KIAA1217: variants seen among roughly 807,000 people sequenced by gnomAD.
KIAA1217 encodes the protein KIAA1217, also known as sickle tail protein homolog.
A neutral mutation model predicts 163.9 loss-of-function variants in KIAA1217; 88 were observed. That is an observed-to-expected ratio of 0.54 (90% CI 0.45 to 0.64). KIAA1217 has a LOEUF of 0.64. Among genes scored for constraint, KIAA1217 ranks in the 30% least tolerant of loss-of-function variants. The pLI is 0.00. For synonymous variants in KIAA1217, 903 were observed against 923.1 expected (o/e 0.98, Z 0.39); for missense variants, 2,372 against 2,475.0 (o/e 0.96, Z 0.88).
intron 2 of KIAA1217, among the ~76,000 whole-genome samples, chr10:24,270,665 T>C (rs1246030235): frequency 1.3e-5 from 2 of 152,120 alleles, no homozygotes; most frequent in African/African-American, 2.4e-5. Context: ...CTCAGCCGCC[T>C]AAGTAACTGA....
chr10:23,957,208 T>C (rs1283133535), intron 1 of KIAA1217, among the ~76,000 whole-genome samples: 1 of 152,116 alleles, frequency 6.6e-6, no homozygotes, highest in Non-Finnish European at 1.5e-5. Context: ...GTGCTGGCCC[T>C]CGTGTGCCTG....
intron 10 of KIAA1217, among the ~76,000 whole-genome samples, chr10:24,517,361 T>G (rs1048057140): frequency 6.6e-6 from 1 of 152,112 alleles, no homozygotes; most frequent in East Asian, 1.9e-4. Flanking sequence ...GTTTCTAGCA[T>G]GAAGAAAAGA....
At chr10:23,856,951 C>G (rs900480475) in intron 1 of KIAA1217, among the ~76,000 whole-genome samples, 1 of 152,356 alleles carries the variant, frequency 6.6e-6, no homozygotes, top group Admixed American at 6.5e-5. Context: ...CTCCCTGACC[C>G]CTTGCGCTTC....
At chr10:24,212,796 C>T (rs1038492527) in intron 1 of KIAA1217, among the ~76,000 whole-genome samples, 6 of 152,164 alleles carry the variant, frequency 3.9e-5, no homozygotes, top group Non-Finnish European at 8.8e-5. Flanking sequence ...CAGCAAGGAC[C>T]ATGTTTTATT....
chr10:24,372,241 C>G (rs2134529306), intron 2 of KIAA1217, among the ~76,000 whole-genome samples: 1 of 152,258 alleles, frequency 6.6e-6, no homozygotes, highest in South Asian at 2.1e-4. Flanking sequence ...AGTCTCAACT[C>G]CATCTCCTTG....
chr10:24,187,682 G>A (rs1042405122), intron 2 of KIAA1217, among the ~76,000 whole-genome samples: 13 of 152,118 alleles, frequency 8.5e-5, no homozygotes, highest in African/African-American at 2.7e-4. Flanking sequence ...CCTGAGGGCA[G>A]GAGTTCGAGA....
chr10:24,245,883 C>A (rs529546258), intron 2 of KIAA1217, among the ~76,000 whole-genome samples: 1 of 152,046 alleles, frequency 6.6e-6, no homozygotes, highest in Admixed American at 6.6e-5. Context: ...AACAATCCTC[C>A]CACTTTAGTC....
intron 5 of KIAA1217, among the ~76,000 whole-genome samples, chr10:24,448,402 T>G (rs1019791821): frequency 2.6e-5 from 4 of 152,164 alleles, no homozygotes; most frequent in Non-Finnish European, 5.9e-5. Flanking sequence ...TTTATTTTAT[T>G]TTGAAGGCAG....
intron 5 of KIAA1217, among the ~76,000 whole-genome samples, chr10:24,471,648 C>T (rs950910052): frequency 2.6e-5 from 4 of 151,838 alleles, no homozygotes; most frequent in South Asian, 2.1e-4. Context: ...TGTGGGAGGC[C>T]GAGGCAGGCA....
intron 14 of KIAA1217, among the ~76,000 whole-genome samples, chr10:24,529,624 G>C (rs570563987): frequency 6.6e-6 from 1 of 151,832 alleles, no homozygotes; most frequent in African/African-American, 2.4e-5. Flanking sequence ...TCCACTCACT[G>C]CATCCCTCCC....
intron 2 of KIAA1217, among the ~76,000 whole-genome samples, chr10:24,301,652 A>G (rs1326229996): frequency 1.3e-5 from 2 of 152,216 alleles, no homozygotes; most frequent in Admixed American, 6.5e-5. Flanking sequence ...CTGGATTCCA[A>G]GAAGGACTTT....
intron 2 of KIAA1217, among the ~76,000 whole-genome samples, chr10:24,155,331 T>G (rs910122317): frequency 2.6e-5 from 4 of 152,148 alleles, no homozygotes; most frequent in Admixed American, 2.6e-4. Flanking sequence ...CACAGAACCC[T>G]AGTTAGTGGT....
intron 2 of KIAA1217, among the ~76,000 whole-genome samples, chr10:24,174,607 G>C (rs955074016): frequency 3.9e-5 from 6 of 152,156 alleles, no homozygotes; most frequent in Non-Finnish European, 7.4e-5. Flanking sequence ...CTAGCCTCCA[G>C]AACTATGAGA....
intron 2 of KIAA1217, among the ~76,000 whole-genome samples, chr10:24,244,883 G>A (rs1377085510): frequency 2.0e-5 from 3 of 152,102 alleles, no homozygotes; most frequent in Non-Finnish European, 4.4e-5. Flanking sequence ...CTAACGGCAG[G>A]AAGCTTTGAT....
intron 1 of KIAA1217, among the ~76,000 whole-genome samples, chr10:23,824,654 A>C (rs1447079409): frequency 9.9e-6 from 1 of 101,154 alleles, no homozygotes; most frequent in Admixed American, 9.4e-5. Context: ...AAAAAAATAA[A>C]AAAAATATAT....
At chr10:24,031,126 C>G (rs1212403425) in intron 2 of KIAA1217, among the ~76,000 whole-genome samples, 1 of 152,142 alleles carries the variant, frequency 6.6e-6, no homozygotes, top group Non-Finnish European at 1.5e-5. Context: ...AGCGACTATC[C>G]TGTTTTATAT....
At chr10:23,969,505 T>C (rs1181417718) in intron 1 of KIAA1217, among the ~76,000 whole-genome samples, 1 of 152,228 alleles carries the variant, frequency 6.6e-6, no homozygotes, top group Admixed American at 6.5e-5. Context: ...TGAAGTGATA[T>C]TGTGATTTTG....
chr10:24,134,730 C>T (rs1004137434), intron 2 of KIAA1217, among the ~76,000 whole-genome samples: 11 of 152,114 alleles, frequency 7.2e-5, no homozygotes, highest in African/African-American at 1.9e-4. Context: ...CAAGCCACCA[C>T]ACCTAGCTAA....
chr10:24,099,161 A>G (rs1198645500), intron 2 of KIAA1217, among the ~76,000 whole-genome samples: 1 of 149,566 alleles, frequency 6.7e-6, no homozygotes, highest in African/African-American at 2.5e-5. Context: ...TTTTATTTTT[A>G]TTTTTATTTT....
Sources: allele counts gnomAD v4.1 joint callset (sites outside exome capture counted in the v4.1 genomes callset), GRCh38; gene constraint gnomAD v4.1.1; transcripts MANE v1.5; gene names NCBI Gene and HGNC (gene_info 2026-07-23, HGNC 2026-07-21).